Variants in ANK3 observed in about 807,000 individuals in gnomAD.
ANK3 encodes the protein ankyrin-3.
A neutral mutation model predicts 370.9 loss-of-function variants in ANK3; 57 were observed. That is an observed-to-expected ratio of 0.15 (90% CI 0.12 to 0.19). ANK3 has a LOEUF of 0.19. Ranked by LOEUF, ANK3 falls within the 10% of genes least tolerant of loss-of-function variation. The pLI is 1.00. For missense variants in ANK3, 4,439 were observed against 5,302.1 expected, an observed-to-expected ratio of 0.84 and a Z score of 5.06; for synonymous variants, 1,929 against 1,946.3, an observed-to-expected ratio of 0.99 and a Z score of 0.23.
intron 2 of ANK3, among the ~76,000 whole-genome samples, chr10:60,581,463 C>T (rs1436133598): frequency 4.9e-5 from 7 of 141,632 alleles, no homozygotes; most frequent in African/African-American, 1.6e-4. Context: ...CTCGCTTTGT[C>T]GCCCAGGCTG....
At chr10:60,186,937 C>T (rs2132366286) in intron 16 of ANK3, 25 bp from the exon 17 acceptor site, 2 of 1,609,334 alleles carry the variant, frequency 1.2e-6, no homozygotes, top group Admixed American at 1.7e-5. Context: ...CACTTGGTCA[C>T]ATGCCCAGGA....
Position 60,106,047 on chromosome 10 carries a change from C to T in ANK3, c.3186G>A (p.Val1062=), listed in dbSNP as rs2092120411. 1 of 1,606,676 alleles carries T rather than the reference C, an allele frequency of 6.2e-7. No homozygotes were observed. Among genetic ancestry groups the T allele is most frequent in the East Asian group, 2.3e-5 (1 of 44,298 alleles). Residue 1062 remains valine, a synonymous_variant, in exon 28 of 44, where the codon GTG becomes GTA. Transcript: ENST00000280772. Reference sequence around the variant, plus strand: ...TCATGGACCCAAAGTGAGGGATTTCCACTATGACAGGGCTGGAAAAAAAAT... The same window carrying T: ...TCATGGACCCAAAGTGAGGGATTTCTACTATGACAGGGCTGGAAAAAAAAT... ...AGAQFLGPVI[V]EIPHFGSMRG...
At chr10:60,393,639 C>T (rs141637497), upstream of ANK3, among the ~76,000 whole-genome samples, 133 of 152,202 alleles carry the variant, frequency 8.7e-4, no homozygotes, top group African/African-American at 3.0e-3. Context: ...TATTTCTCCC[C>T]GCTCATTTTT....
intron 2 of ANK3, among the ~76,000 whole-genome samples, chr10:60,476,806 TA>T (rs2075077740): frequency 6.6e-6 from 1 of 152,210 alleles, no homozygotes; most frequent in Non-Finnish European, 1.5e-5. Flanking sequence ...CTTTCATTTG[TA>T]AAATGAAGTC....
chr10:60,563,426 C>T (rs896708963), intron 2 of ANK3, among the ~76,000 whole-genome samples: 1 of 152,180 alleles, frequency 6.6e-6, no homozygotes. Flanking sequence ...GAAATCCTTG[C>T]AGCCAGCCAA....
intron 1 of ANK3, among the ~76,000 whole-genome samples, chr10:60,695,440 G>C (rs1322056705): frequency 2.0e-5 from 3 of 152,092 alleles, no homozygotes; most frequent in African/African-American, 4.8e-5. Flanking sequence ...CAAATCAACA[G>C]AATATACATT....
At chr10:60,730,936 A>G (rs919922642) in intron 1 of ANK3, among the ~76,000 whole-genome samples, 3 of 152,234 alleles carry the variant, frequency 2.0e-5, no homozygotes, top group Admixed American at 6.5e-5. Context: ...TGTCAGTTTC[A>G]GGTATTTACT....
At chr10:60,192,941 C>G (rs1017601712) in intron 16 of ANK3, among the ~76,000 whole-genome samples, 1 of 151,520 alleles carries the variant, frequency 6.6e-6, no homozygotes, top group Non-Finnish European at 1.5e-5. Context: ...GGAGGCTCAT[C>G]AATTTAAACC....
At chr10:60,487,470 G>A (rs188469463) in intron 2 of ANK3, among the ~76,000 whole-genome samples, 2 of 152,280 alleles carry the variant, frequency 1.3e-5, no homozygotes, top group African/African-American at 2.4e-5. Flanking sequence ...TGTTGAGCAT[G>A]ACAGATGGGC....
intron 1 of ANK3, among the ~76,000 whole-genome samples, chr10:60,629,932 C>T (rs1567189284): frequency 6.6e-6 from 1 of 152,006 alleles, no homozygotes; most frequent in Non-Finnish European, 1.5e-5. Context: ...TTCAATAGCA[C>T]TTTGTTTAGA....
At chr10:60,568,742 C>A (rs2077520832) in intron 2 of ANK3, among the ~76,000 whole-genome samples, 1 of 152,006 alleles carries the variant, frequency 6.6e-6, no homozygotes, top group Non-Finnish European at 1.5e-5. Flanking sequence ...CTCAACCCCC[C>A]AAATTTATAT....
intron 7 of ANK3, among the ~76,000 whole-genome samples, chr10:60,241,780 T>C (rs2097462802): frequency 6.6e-6 from 1 of 152,192 alleles, no homozygotes; most frequent in South Asian, 2.1e-4. Flanking sequence ...CCTTAATCCT[T>C]TTTGAAAAAT....
intron 10 of ANK3, among the ~76,000 whole-genome samples, chr10:60,207,146 T>C (rs1396050734): frequency 6.6e-6 from 1 of 152,228 alleles, no homozygotes; most frequent in Non-Finnish European, 1.5e-5. Context: ...TAAAAGGTTT[T>C]AGAATTATAG....
intron 7 of ANK3, among the ~76,000 whole-genome samples, chr10:60,237,118 T>G (rs2097346037): frequency 6.6e-6 from 1 of 152,252 alleles, no homozygotes; most frequent in African/African-American, 2.4e-5. Flanking sequence ...GCTGTGCCTT[T>G]GGGCACGCTG....
intron 1 of ANK3, among the ~76,000 whole-genome samples, chr10:60,678,652 T>C (rs1452099824): frequency 1.3e-5 from 2 of 152,228 alleles, no homozygotes; most frequent in Admixed American, 1.3e-4. Flanking sequence ...AGCAAACTTT[T>C]ATTTTATTCT....
chr10:60,186,069 T>A (rs1445423042), intron 17 of ANK3, among the ~76,000 whole-genome samples: 1 of 152,228 alleles, frequency 6.6e-6, no homozygotes, highest in Non-Finnish European at 1.5e-5. Flanking sequence ...TTCCCATTTC[T>A]CTTTGTAACC....
At chr10:60,079,468 C>T (rs1351807716) in intron 36 of ANK3, among the ~76,000 whole-genome samples, 3 of 152,076 alleles carry the variant, frequency 2.0e-5, no homozygotes, top group Non-Finnish European at 4.4e-5. Context: ...GCAGTAGTGT[C>T]CTGCCGCAGA....
At chr10:60,044,217 C>A (rs1406841371) in intron 42 of ANK3, 24 of 984,116 alleles carry the variant, frequency 2.4e-5, no homozygotes, top group Non-Finnish European at 2.8e-5. Flanking sequence ...GTTTTTAATG[C>A]AGAAAATCTA....
chr10:60,356,321 T>C (rs2057737956), intron 1 of ANK3, among the ~76,000 whole-genome samples: 1 of 152,232 alleles, frequency 6.6e-6, no homozygotes, highest in African/African-American at 2.4e-5. Flanking sequence ...CCTCTGTGCA[T>C]GTATCTATAT....
Sources: allele counts gnomAD v4.1 joint callset (sites outside exome capture counted in the v4.1 genomes callset), GRCh38; gene constraint gnomAD v4.1.1; transcripts MANE v1.5; gene names NCBI Gene and HGNC (gene_info 2026-07-23, HGNC 2026-07-21).